DLGAP2: variants seen among roughly 807,000 people sequenced by gnomAD.
DLGAP2 encodes the protein DLG associated protein 2.
In DLGAP2, 26 loss-of-function variants were observed where a neutral mutation model predicts 100.3. The observed-to-expected ratio is 0.26, with a 90% CI of 0.19 to 0.36. The LOEUF (loss-of-function observed/expected upper bound fraction) is 0.36. Among genes scored for constraint, DLGAP2 ranks in the 10% least tolerant of loss-of-function variants. DLGAP2 has a pLI of 1.00. For missense variants in DLGAP2, 1,858 were observed against 1,453.2 expected, an observed-to-expected ratio of 1.28 and a Z score of -4.53; for synonymous variants, 886 against 630.1, an observed-to-expected ratio of 1.41 and a Z score of -6.08.
rs1554483484 is a variant in DLGAP2 at position 1,494,042 on chromosome 8, C to CA, written c.107-7324_107-7323insA. 2.3e-4 allele frequency among the ~76,000 whole-genome samples: 23 copies of CA among 98,204 alleles called. No homozygotes were observed. In the East Asian group the frequency reaches 4.9e-3, roughly 21 times the overall value. The allele number at this position is 98,204 out of a possible 152,430, so 64.4% of individuals were successfully genotyped here. A position where few individuals can be genotyped will look rare whatever the true frequency, so the allele number is the denominator to read the frequency against. On this transcript the variant is annotated intron_variant, in intron 3 of 14. Coordinates refer to ENST00000637795, the MANE Select transcript of DLGAP2 (RefSeq NM_001346810.2). ...GGGCCCCTGCCCTCCCATTCTGCAT[C>CA]GGGGGGGGCAGTAGGATGAACCCAT...
chr8:1,155,856 G>A (rs973448420), intron 2 of DLGAP2, among the ~76,000 whole-genome samples: 1 of 152,216 alleles, frequency 6.6e-6, no homozygotes, highest in Non-Finnish European at 1.5e-5. Context: ...TGTGTGGAGA[G>A]GAAGATGAGG....
intron 3 of DLGAP2, among the ~76,000 whole-genome samples, chr8:1,289,476 C>T (rs1800011778): frequency 6.6e-6 from 1 of 152,200 alleles, no homozygotes; most frequent in Non-Finnish European, 1.5e-5. Flanking sequence ...CCCCTCTGCA[C>T]ACTGGACAGT....
At position 1,704,245 on chromosome 8, in the gene DLGAP2, C is replaced by T. The variant is rs1799646625; in HGVS notation, c.*2839C>T. The T allele has an allele frequency of 6.6e-6, 1 of 152,286 alleles. No homozygotes were observed. Among genetic ancestry groups the T allele is most frequent in the South Asian group, 2.1e-4 (1 of 4,832 alleles). 9.4% of individuals were successfully genotyped at this position (152,286 alleles called of 1,614,324 possible). ...AGTAAACATCCATTGGAGAACACGG[C>T]TGAAAATTATTGTGCTGTTCTAGGA... is the stretch of plus-strand genomic sequence containing the variant. On this transcript the variant is annotated 3_prime_UTR_variant, in exon 15 of 15. Coordinates refer to ENST00000637795, the MANE Select transcript of DLGAP2 (RefSeq NM_001346810.2).
In DLGAP2 at chr8:1,235,363, C is replaced by T. The variant is rs1403669637; in HGVS notation, c.74-23488C>T. On this transcript the variant is annotated intron_variant, in intron 2 of 14. Transcript: ENST00000637795. ...TGTCTAGTTATCTCACACGTGGCGT[C>T]GTGTCTAGTTCCCTCACACATGGCG... is the stretch of plus-strand genomic sequence containing the variant. Among the ~76,000 whole-genome samples the T allele has an allele frequency of 9.5e-5, 14 of 146,780 alleles. 1 individual carries two copies. In the South Asian group the frequency reaches 1.8e-3, roughly 19 times the overall value.
At chr8:926,756 G>C (rs937510639) in intron 2 of DLGAP2, among the ~76,000 whole-genome samples, 4 of 152,240 alleles carry the variant, frequency 2.6e-5, no homozygotes, top group Non-Finnish European at 5.9e-5. Context: ...CAGGAGGAAG[G>C]ATGAGGGTGC....
intron 6 of DLGAP2, among the ~76,000 whole-genome samples, chr8:1,588,842 AC>A (rs1796206780): frequency 6.6e-6 from 1 of 151,488 alleles, no homozygotes; most frequent in Non-Finnish European, 1.5e-5. Context: ...GAATCCCTTG[AC>A]CCCGGGAGGT....
intron 3 of DLGAP2, among the ~76,000 whole-genome samples, chr8:1,449,297 G>T (rs1234291833): frequency 2.0e-5 from 3 of 152,210 alleles, no homozygotes; most frequent in Non-Finnish European, 2.9e-5. Flanking sequence ...ACAGGGTCGG[G>T]CCATGATGGA....
intron 3 of DLGAP2, among the ~76,000 whole-genome samples, chr8:1,481,942 T>TC (rs977061706): frequency 5.3e-5 from 8 of 152,042 alleles, no homozygotes; most frequent in African/African-American, 1.5e-4. Context: ...GATGCCAGGG[T>TC]CCCCCCGTGG....
At chr8:1,298,759 T>G (rs563490918) in intron 3 of DLGAP2, among the ~76,000 whole-genome samples, 1 of 152,268 alleles carries the variant, frequency 6.6e-6, no homozygotes, top group Admixed American at 6.5e-5. Context: ...TTATAAAAAC[T>G]TTAAACTAAA....
chr8:1,097,734 C>G (rs1219064633), intron 2 of DLGAP2, among the ~76,000 whole-genome samples: 4 of 128,048 alleles, frequency 3.1e-5, no homozygotes, highest in African/African-American at 1.3e-4. Context: ...TCAGGAGAGT[C>G]GAGCTGGGAG....
chr8:1,193,211 T>A (rs560686179), intron 2 of DLGAP2, among the ~76,000 whole-genome samples: 1 of 152,282 alleles, frequency 6.6e-6, no homozygotes, highest in East Asian at 1.9e-4. Context: ...CTGGGTCAAA[T>A]GGTATTTCTA....
intron 6 of DLGAP2, among the ~76,000 whole-genome samples, chr8:1,614,216 C>T (rs1797075245): frequency 6.6e-6 from 1 of 152,178 alleles, no homozygotes; most frequent in Non-Finnish European, 1.5e-5. Flanking sequence ...GAAATCAACT[C>T]TTCACAGGCA....
At chr8:1,000,355 G>T (rs530974774) in intron 2 of DLGAP2, among the ~76,000 whole-genome samples, 1 of 150,554 alleles carries the variant, frequency 6.6e-6, no homozygotes, top group East Asian at 2.0e-4. Context: ...GTTTTCTTTC[G>T]CACTGGATTT....
intron 6 of DLGAP2, among the ~76,000 whole-genome samples, chr8:1,606,935 G>A (rs569885801): frequency 2.0e-5 from 3 of 152,196 alleles, no homozygotes; most frequent in South Asian, 2.1e-4. Context: ...TCCACCTACC[G>A]CAGCCTCCCA....
chr8:980,373 G>T (rs981984165), intron 2 of DLGAP2, among the ~76,000 whole-genome samples: 2 of 152,198 alleles, frequency 1.3e-5, no homozygotes, highest in Non-Finnish European at 2.9e-5. Context: ...CAAAAGCTCA[G>T]CAGTGCGTAG....
At chr8:800,642 CTATG>C (rs951005950) in intron 1 of DLGAP2, among the ~76,000 whole-genome samples, 3 of 152,096 alleles carry the variant, frequency 2.0e-5, no homozygotes, top group Non-Finnish European at 4.4e-5. Context: ...GTGTGCATGT[CTATG>C]TGTGCACATG....
intron 1 of DLGAP2, among the ~76,000 whole-genome samples, chr8:760,658 G>T (rs1298009560): frequency 6.6e-6 from 1 of 152,136 alleles, no homozygotes. Context: ...TGCTCTCATG[G>T]CATAGTTTCT....
intron 2 of DLGAP2, among the ~76,000 whole-genome samples, chr8:947,124 C>T (rs1799346083): frequency 6.6e-6 from 1 of 152,204 alleles, no homozygotes; most frequent in African/African-American, 2.4e-5. Context: ...CCCGCATCTG[C>T]CAGGAAGACT....
At chr8:900,005 A>G (rs770261781) in intron 1 of DLGAP2, among the ~76,000 whole-genome samples, 1 of 152,246 alleles carries the variant, frequency 6.6e-6, no homozygotes, top group Non-Finnish European at 1.5e-5. Flanking sequence ...ACCGAAGAGA[A>G]AGCAGAATAT....
Sources: gnomAD v4.1 joint callset for allele counts (sites outside exome capture counted in the v4.1 genomes callset) on GRCh38, gnomAD v4.1.1 for gene constraint, MANE v1.5 for transcripts, NCBI Gene and HGNC (gene_info 2026-07-23, HGNC 2026-07-21) for gene names.